INPP5A: variants seen among roughly 807,000 people sequenced by gnomAD.
The protein encoded by INPP5A is inositol polyphosphate-5-phosphatase A.
INPP5A carries 14 observed loss-of-function variants against 65.2 expected under a neutral mutation model. The observed-to-expected ratio is 0.21, with a 90% confidence interval of 0.14 to 0.34. The LOEUF (loss-of-function observed/expected upper bound fraction) is 0.34, where lower values mean the gene tolerates loss of function less well. Among genes scored for constraint, INPP5A ranks in the 10% least tolerant of loss-of-function variants. INPP5A has a pLI of 1.00. For missense variants in INPP5A, 431 were observed against 545.6 expected, an observed-to-expected ratio of 0.79 and a Z score of 2.09; for synonymous variants, 207 against 208.3, an observed-to-expected ratio of 0.99 and a Z score of 0.05.
intron 1 of INPP5A, among the ~76,000 whole-genome samples, chr10:132,554,401 T>TGGCGG (rs2071096876): frequency 6.6e-6 from 1 of 152,196 alleles, no homozygotes; most frequent in Admixed American, 6.5e-5. Context: ...CCTGGGCAAG[T>TGGCGG]GGCGGGGCTG....
At chr10:132,588,678 CT>C (rs200619992) in intron 1 of INPP5A, among the ~76,000 whole-genome samples, 1 of 151,600 alleles carries the variant, frequency 6.6e-6, no homozygotes, top group African/African-American at 2.4e-5. Context: ...ACCCACAGTG[CT>C]TTTTTTTTAA....
chr10:132,606,899 G>A (rs2071862272), intron 1 of INPP5A, among the ~76,000 whole-genome samples: 1 of 152,184 alleles, frequency 6.6e-6, no homozygotes, highest in Non-Finnish European at 1.5e-5. Flanking sequence ...CAGTTCCTTA[G>A]TGCTAAGTAC....
intron 1 of INPP5A, among the ~76,000 whole-genome samples, chr10:132,562,156 G>A (rs1186966245): frequency 8.5e-5 from 13 of 152,260 alleles, no homozygotes; most frequent in Admixed American, 5.9e-4. Context: ...GCTCACCTGC[G>A]GCTTCTGGGG....
At chr10:132,671,687 G>A (rs1190718691) in intron 4 of INPP5A, among the ~76,000 whole-genome samples, 1 of 152,232 alleles carries the variant, frequency 6.6e-6, no homozygotes, top group Admixed American at 6.5e-5. Context: ...TGGCACATGA[G>A]CTTCCTGATA....
At chr10:132,713,289 T>A (rs1232983931) in intron 8 of INPP5A, among the ~76,000 whole-genome samples, 1 of 152,028 alleles carries the variant, frequency 6.6e-6, no homozygotes, top group African/African-American at 2.4e-5. Context: ...AGCTCAGCAC[T>A]GTGCATCCTG....
At chr10:132,652,496 A>G (rs755388428) in intron 4 of INPP5A, among the ~76,000 whole-genome samples, 12 of 152,150 alleles carry the variant, frequency 7.9e-5, no homozygotes, top group Non-Finnish European at 1.0e-4. Context: ...AAACATACCA[A>G]CGCAGGCCAA....
chr10:132,552,377 C>A (rs56373847), intron 1 of INPP5A, among the ~76,000 whole-genome samples: 3 of 134,394 alleles, frequency 2.2e-5, no homozygotes, highest in African/African-American at 2.9e-5. Context: ...GCCTTGGTGG[C>A]ATATTGAGTG....
chr10:132,715,246 C>T (rs1303136802), intron 8 of INPP5A, among the ~76,000 whole-genome samples: 2 of 152,192 alleles, frequency 1.3e-5, no homozygotes, highest in South Asian at 2.1e-4. Flanking sequence ...TCTTTGTCTC[C>T]CCTCTGAAAT....
At chr10:132,735,159 A>AC (rs942942863) in intron 9 of INPP5A, among the ~76,000 whole-genome samples, 6 of 151,606 alleles carry the variant, frequency 4.0e-5, no homozygotes, top group African/African-American at 1.5e-4. Context: ...ACCCTCTGCA[A>AC]CCCCCCGTGT....
intron 2 of INPP5A, among the ~76,000 whole-genome samples, chr10:132,633,448 C>T (rs1479654627): frequency 6.6e-6 from 1 of 152,182 alleles, no homozygotes; most frequent in East Asian, 1.9e-4. Flanking sequence ...AACGAAGTCT[C>T]TGATGTGCGT....
chr10:132,658,209 G>A (rs2072685050), intron 4 of INPP5A, among the ~76,000 whole-genome samples: 1 of 152,224 alleles, frequency 6.6e-6, no homozygotes, highest in African/African-American at 2.4e-5. Flanking sequence ...AGCAATAAAT[G>A]TGTCAGAGTC....
At chr10:132,752,538 G>A (rs1251455482) in intron 11 of INPP5A, among the ~76,000 whole-genome samples, 2 of 147,252 alleles carry the variant, frequency 1.4e-5, no homozygotes, top group African/African-American at 5.1e-5. Flanking sequence ...GTGTGGCGTG[G>A]AGGGGCGTGG....
chr10:132,710,381 A>G lies in INPP5A; in HGVS notation c.572A>G (p.Asn191Ser). 6.2e-7 allele frequency: 1 copy of G among 1,614,146 alleles called. No homozygotes were observed. ...VNIHLFHDAS[N>S]LVAWETSPSV... ...ATCCATCTTTTCCATGATGCTTCCA[A>G]TCTGGTCGCCTGGGAAACAAGCCCT... Residue 191 changes from asparagine to serine, a missense_variant, in exon 8 of 16, where the codon AAT becomes AGT. Physicochemically the swap from Asn to Ser is conservative, Grantham distance 46 (BLOSUM62 1). Coordinates refer to ENST00000368594, the MANE Select transcript of INPP5A (RefSeq NM_005539.5).
chr10:132,576,552 T>C (rs892715605), intron 1 of INPP5A, among the ~76,000 whole-genome samples: 3 of 152,192 alleles, frequency 2.0e-5, no homozygotes, highest in Non-Finnish European at 2.9e-5. Context: ...CGTCCCCCAC[T>C]GCATCCACCC....
In INPP5A at chr10:132,576,889, C is replaced by T. The variant is rs183492898; in HGVS notation, c.76-31026C>T. Among the ~76,000 whole-genome samples the T allele has an allele frequency of 8.7e-4, 132 of 152,316 alleles. 1 individual carries two copies. The highest frequency in any genetic ancestry group is 2.7e-3 in the Admixed American group (41 of 15,300). ...TTAGAGTGAGACTGACGAGGGCCAC[C>T]AGGATGTGCTCTGCCGGTGTCTGCC... On this transcript the variant is annotated intron_variant, in intron 1 of 15. Transcript: ENST00000368594.
intron 4 of INPP5A, among the ~76,000 whole-genome samples, chr10:132,662,288 C>G (rs2072746891): frequency 6.6e-6 from 1 of 152,142 alleles, no homozygotes; most frequent in African/African-American, 2.4e-5. Flanking sequence ...CAGCCGTTTC[C>G]CTCTTCAGTA....
At chr10:132,717,501 G>A (rs567416618) in intron 8 of INPP5A, among the ~76,000 whole-genome samples, 2 of 151,686 alleles carry the variant, frequency 1.3e-5, no homozygotes, top group East Asian at 3.9e-4. Context: ...CATCTGCCTG[G>A]GTTCTGCCTG....
chr10:132,775,940 T>G (rs1847056021), intron 12 of INPP5A, among the ~76,000 whole-genome samples: 1 of 152,128 alleles, frequency 6.6e-6, no homozygotes, highest in African/African-American at 2.4e-5. Context: ...AAGTCACCTA[T>G]TGTGTGCTGT....
In INPP5A at chr10:132,564,132, C is replaced by T. The variant is rs188649543; in HGVS notation, c.75+25961C>T. ...CTGCTCCCCTGGGCTTCTCACCTCA[C>T]GATTTTTTGTCCTGCTCGTTGCTGT... On this transcript the variant is annotated intron_variant, in intron 1 of 15. Coordinates refer to ENST00000368594, the MANE Select transcript of INPP5A (RefSeq NM_005539.5). Among the ~76,000 whole-genome samples the T allele has an allele frequency of 1.5e-3, 227 of 152,250 alleles. 2 individuals are homozygous for T. Among genetic ancestry groups the T allele is most frequent in the Middle Eastern group, 6.8e-3 (2 of 294 alleles).
Sources: allele counts gnomAD v4.1 joint callset (sites outside exome capture counted in the v4.1 genomes callset), GRCh38; gene constraint gnomAD v4.1.1; transcripts MANE v1.5; gene names NCBI Gene and HGNC (gene_info 2026-07-23, HGNC 2026-07-21).